Variants in CCDC33 observed in about 807,000 individuals in gnomAD.
The protein encoded by CCDC33 is coiled-coil domain containing 33, also known as coiled-coil domain-containing protein 33.
Under a neutral mutation model 91.9 loss-of-function variants are expected in CCDC33, and 94 were observed. The observed-to-expected ratio is 1.02, with a 90% CI of 0.87 to 1.21. The LOEUF is 1.21. CCDC33 is among the 50% of genes most tolerant of loss of function. The pLI, the probability that CCDC33 is intolerant of heterozygous loss-of-function variation, is 0.00. For synonymous variants in CCDC33, 396 were observed against 374.5 expected (o/e 1.06, Z -0.66); for missense variants, 940 against 935.5 (o/e 1.00, Z -0.06).
At chr15:74,228,499 C>T (rs1418393934) in intron 2 of CCDC33, among the ~76,000 whole-genome samples, 1 of 152,232 alleles carries the variant, frequency 6.6e-6, no homozygotes, top group Non-Finnish European at 1.5e-5. Flanking sequence ...TGAATAAAGA[C>T]CCAGGGGCTG....
upstream of CCDC33, among the ~76,000 whole-genome samples, chr15:74,214,426 C>G (rs1394823440): frequency 6.6e-6 from 1 of 152,150 alleles, no homozygotes; most frequent in Non-Finnish European, 1.5e-5. Flanking sequence ...CCCTGCCCCC[C>G]AGAGACAGTC....
chr15:74,259,042 T>C (rs1330630484), intron 2 of CCDC33, among the ~76,000 whole-genome samples: 1 of 152,154 alleles, frequency 6.6e-6, no homozygotes, highest in African/African-American at 2.4e-5. Context: ...TCAGGGCTGC[T>C]GCACTCTAAA....
chr15:74,264,451 C>T (rs1043087374), intron 3 of CCDC33, among the ~76,000 whole-genome samples: 3 of 152,100 alleles, frequency 2.0e-5, no homozygotes, highest in Non-Finnish European at 4.4e-5. Flanking sequence ...TGTCCATTAC[C>T]CCCAATTCCA....
chr15:74,255,067 C>T (rs1013179891), intron 2 of CCDC33, among the ~76,000 whole-genome samples: 2 of 147,614 alleles, frequency 1.4e-5, no homozygotes, highest in African/African-American at 5.0e-5. Flanking sequence ...TTTAAGAGAT[C>T]CCCCCTCACC....
chr15:74,228,450 G>A (rs2142184892), intron 2 of CCDC33, among the ~76,000 whole-genome samples: 1 of 152,354 alleles, frequency 6.6e-6, no homozygotes, highest in African/African-American at 2.4e-5. Context: ...CCGAGTGAAT[G>A]GCAGCTTGCC....
intron 1 of CCDC33, among the ~76,000 whole-genome samples, chr15:74,203,904 T>C (rs911420502): frequency 6.4e-5 from 9 of 140,758 alleles, no homozygotes; most frequent in African/African-American, 2.4e-4. Context: ...AGGCTCAGGA[T>C]GGGGATGGGG....
intron 16 of CCDC33, chr15:74,333,111 CT>C: frequency 8.5e-6 from 8 of 936,140 alleles, no homozygotes; most frequent in Non-Finnish European, 1.3e-5. Flanking sequence ...ACCCTGACCC[CT>C]TTTTCACCTG....
intron 2 of CCDC33, among the ~76,000 whole-genome samples, chr15:74,224,021 AC>A (rs1199048525): frequency 1.3e-5 from 2 of 152,132 alleles, no homozygotes; most frequent in Non-Finnish European, 2.9e-5. Context: ...GTTAAAAGCT[AC>A]CTGAGGTTTC....
intron 2 of CCDC33, among the ~76,000 whole-genome samples, chr15:74,246,243 G>C (rs1254196390): frequency 1.6e-4 from 25 of 152,326 alleles, no homozygotes; most frequent in Admixed American, 1.4e-3. Flanking sequence ...CAGGGGAAAG[G>C]CTCCTTTACA....
rs573038667 is a variant in CCDC33 at position 74,236,342 on chromosome 15, G to A, written c.-378G>A. The A allele has an allele frequency of 4.0e-4, 91 of 227,990 alleles. No individual in the cohort carries two copies. The highest frequency in any genetic ancestry group is 1.0e-3 in the Admixed American group (19 of 18,278). The allele number at this position is 227,990 out of a possible 1,614,324, so 14.1% of individuals were successfully genotyped here. On this transcript the variant is annotated 5_prime_UTR_variant, in exon 1 of 19. Coordinates refer to ENST00000398814, the MANE Select transcript of CCDC33 (RefSeq NM_025055.5). ...GAAGAGCTTATTGTTTTCCAGGCCTGGGCAGAGACAGGGCCCCCCTGCCCC... is the reference window on the plus strand; with the variant it reads ...GAAGAGCTTATTGTTTTCCAGGCCTAGGCAGAGACAGGGCCCCCCTGCCCC...
intron 11 of CCDC33, among the ~76,000 whole-genome samples, chr15:74,317,887 G>GTTTTTTT (rs71137385): frequency 1.8e-5 from 2 of 110,492 alleles, no homozygotes; most frequent in Non-Finnish European, 3.6e-5. Context: ...GTTTGGGTTT[G>GTTTTTTT]TTTTTTTTTT....
chr15:74,262,146 C>A (rs1339924007), intron 2 of CCDC33, among the ~76,000 whole-genome samples: 1 of 152,124 alleles, frequency 6.6e-6, no homozygotes, highest in African/African-American at 2.4e-5. Context: ...GGAAGTCAGG[C>A]GGGCAAAGCA....
chr15:74,311,037 G>A (rs751692052), intron 11 of CCDC33, among the ~76,000 whole-genome samples: 1 of 150,120 alleles, frequency 6.7e-6, no homozygotes, highest in South Asian at 2.1e-4. Context: ...CTGGAGGCAG[G>A]ACCGTGATCT....
At chr15:74,247,517 G>C (rs2075576470) in intron 2 of CCDC33, among the ~76,000 whole-genome samples, 1 of 152,062 alleles carries the variant, frequency 6.6e-6, no homozygotes, top group African/African-American at 2.4e-5. Context: ...AGCCATAAAA[G>C]GGAGGACATT....
At position 74,209,054 on chromosome 15, in the gene CCDC33, C is replaced by T. The variant is rs866151613; in HGVS notation, n.90-334C>T. ...CTGCTCCTCCCGGAAGGCAGCTCCC[C>T]CCTTCTCCAGTCTGGCTCTGCCCCT... On this transcript the variant is annotated intron_variant and non_coding_transcript_variant, in intron 1 of 3. Transcript: ENST00000558645. 9 of 1,200,516 alleles carry T rather than the reference C, an allele frequency of 7.5e-6. No individual in the cohort carries two copies. In the African/African-American group the frequency reaches 7.9e-5, roughly 11 times the overall value. The allele number at this position is 1,200,516 out of a possible 1,614,324, so 74.4% of individuals were successfully genotyped here. A position where few individuals can be genotyped will look rare whatever the true frequency, so the allele number is the denominator to read the frequency against.
intron 2 of CCDC33, among the ~76,000 whole-genome samples, chr15:74,220,129 C>G (rs1387567034): frequency 1.3e-5 from 2 of 151,996 alleles, no homozygotes; most frequent in Non-Finnish European, 2.9e-5. Context: ...AGGGTTTGTG[C>G]GGGAGAAAGA....
intron 7 of CCDC33, among the ~76,000 whole-genome samples, chr15:74,275,079 G>A (rs2930847): frequency 0.5 from 76,785 of 152,058 alleles, 23,947 homozygotes; most frequent in Non-Finnish European, 0.7. Context: ...CCCTTTGAGC[G>A]TCAGTCCCCT....
chr15:74,325,067 G>A (rs886296669), intron 11 of CCDC33, among the ~76,000 whole-genome samples: 1 of 150,072 alleles, frequency 6.7e-6, no homozygotes, highest in Non-Finnish European at 1.5e-5. Context: ...CCTCTTCGTT[G>A]TTCACTTCAC....
chr15:74,335,120 G>A (rs753593217), intron 18 of CCDC33, 32 bp downstream of exon 18: 6 of 1,539,082 alleles, frequency 3.9e-6, no homozygotes, highest in Non-Finnish European at 5.4e-6. Flanking sequence ...GCTCCCAGGG[G>A]TTCAGGTGGT....
Sources: gnomAD v4.1 joint callset for allele counts (sites outside exome capture counted in the v4.1 genomes callset) on GRCh38, gnomAD v4.1.1 for gene constraint, MANE v1.5 for transcripts, NCBI Gene and HGNC (gene_info 2026-07-23, HGNC 2026-07-21) for gene names.